Variants in PPP2R2C observed in about 807,000 individuals in gnomAD.
PPP2R2C encodes protein phosphatase 2 regulatory subunit Bgamma.
PPP2R2C carries 10 observed loss-of-function variants against 45.3 expected under a neutral mutation model. That is an observed-to-expected ratio of 0.22 (90% CI 0.14 to 0.37). The LOEUF is 0.37. Ranked by LOEUF, PPP2R2C falls within the 10% of genes least tolerant of loss-of-function variation. The pLI is 1.00. For missense variants in PPP2R2C, 308 were observed against 619.7 expected, an observed-to-expected ratio of 0.50 and a Z score of 5.34; for synonymous variants, 257 against 245.4, an observed-to-expected ratio of 1.05 and a Z score of -0.44.
Position 6,471,052 on chromosome 4 carries a change from C to G in PPP2R2C, c.70+1108G>C, listed in dbSNP as rs1008751924. On this transcript the variant is annotated intron_variant, in intron 1 of 8. Coordinates refer to ENST00000382599, the MANE Select transcript of PPP2R2C (RefSeq NM_020416.4). This position sits in a 1 kb window ranked among gnomAD's most constrained non-coding sequence, Gnocchi z 5.6. ...CAGAGCCAGGCTTCGAGGAGGCGGA[C>G]CCAGCCGCAGGAGCCCGGTCTCCGC... Among the ~76,000 whole-genome samples, 15 of 152,242 alleles carry G rather than the reference C, an allele frequency of 9.9e-5. No homozygotes were observed. The highest frequency in any genetic ancestry group is 1.9e-4 in the Non-Finnish European group (13 of 67,988).
chr4:6,356,514 G>A (rs1004892604), intron 5 of PPP2R2C, among the ~76,000 whole-genome samples: 1 of 152,228 alleles, frequency 6.6e-6, no homozygotes, highest in Non-Finnish European at 1.5e-5. Flanking sequence ...GGTGGCTCCA[G>A]CTCTGCCGCT....
chr4:6,527,183 G>A lies in PPP2R2C; in HGVS notation c.49+8088C>T, dbSNP rs544272538. ...TCCATTCCTGCCTAGAATTCCAAAC[G>A]AACTGGCTTAATATTAGCTATTTGC... On this transcript the variant is annotated intron_variant, in intron 2 of 9. Coordinates refer to the PPP2R2C transcript ENST00000506140. Among the ~76,000 whole-genome samples the A allele has an allele frequency of 4.6e-5, 7 of 152,208 alleles. No homozygotes were observed. The South Asian group carries it at 1.5e-3, about 32-fold the overall frequency.
intron 7 of PPP2R2C, 146 bp downstream of exon 7, chr4:6,333,416 G>T: frequency 1.1e-6 from 1 of 903,496 alleles, no homozygotes; most frequent in Non-Finnish European, 1.6e-6. Context: ...GTGTGGGGAT[G>T]AGTTGCTGGA....
intron 1 of PPP2R2C, among the ~76,000 whole-genome samples, chr4:6,428,897 T>C (rs1443361310): frequency 1.3e-5 from 2 of 152,372 alleles, no homozygotes; most frequent in Non-Finnish European, 1.5e-5. Context: ...GCCTGACTCC[T>C]GGTCCTGCAA....
rs1342908768 is a variant in PPP2R2C at position 6,330,798 on chromosome 4, C to T, written c.961-1445G>A. ...GGGGAAGCAGGATTGGGAGGAAGGG[C>T]CTGCTATTCACTGCACACAGGATGG... On this transcript the variant is annotated intron_variant, in intron 7 of 8. Coordinates refer to ENST00000382599, the MANE Select transcript of PPP2R2C (RefSeq NM_020416.4). This position sits in a 1 kb window ranked among gnomAD's most constrained non-coding sequence, Gnocchi z 7.0. 6.6e-6 allele frequency among the ~76,000 whole-genome samples: 1 copy of T among 152,158 alleles called. No individual in the cohort carries two copies. Among genetic ancestry groups the T allele is most frequent in the Non-Finnish European group, 1.5e-5 (1 of 68,034 alleles).
chr4:6,355,425 G>A (rs987905469), intron 5 of PPP2R2C, among the ~76,000 whole-genome samples: 2 of 151,952 alleles, frequency 1.3e-5, no homozygotes, highest in African/African-American at 4.8e-5. Flanking sequence ...GCTAGATGAC[G>A]AGTTAGTGGG....
chr4:6,431,892 G>A (rs752352029), intron 1 of PPP2R2C, among the ~76,000 whole-genome samples: 3 of 152,186 alleles, frequency 2.0e-5, no homozygotes, highest in Non-Finnish European at 4.4e-5. Flanking sequence ...CAGTTCTAGA[G>A]GCTGGGAAGT....
intron 1 of PPP2R2C, among the ~76,000 whole-genome samples, chr4:6,559,851 T>C (rs1428270662): frequency 6.6e-6 from 1 of 152,208 alleles, no homozygotes; most frequent in Non-Finnish European, 1.5e-5. Context: ...ACCTGTGTTG[T>C]TCATAAGCTG....
chr4:6,522,367 G>C (rs1724054658), intron 2 of PPP2R2C, among the ~76,000 whole-genome samples: 2 of 152,222 alleles, frequency 1.3e-5, no homozygotes, highest in African/African-American at 4.8e-5. Context: ...CCTCACTGTA[G>C]AGGTGGGAAA....
At chr4:6,383,585 C>T (rs7694129) in intron 1 of PPP2R2C, 487,153 of 570,536 alleles carry the variant, frequency 0.85, 208,838 homozygotes, top group East Asian at 1. Flanking sequence ...TGCCCCACTG[C>T]TGCCTTCCCG....
chr4:6,464,059 C>A (rs1030384711), intron 1 of PPP2R2C, among the ~76,000 whole-genome samples: 12 of 152,162 alleles, frequency 7.9e-5, no homozygotes, highest in African/African-American at 2.9e-4. Context: ...CTGTCCCTTA[C>A]AAACTATGTG....
chr4:6,495,294 G>A (rs1018956464), intron 2 of PPP2R2C, among the ~76,000 whole-genome samples: 1 of 152,222 alleles, frequency 6.6e-6, no homozygotes, highest in African/African-American at 2.4e-5. Context: ...TATGGCTATC[G>A]AGGAGGCTGG....
Position 6,330,594 on chromosome 4 carries a change from C to G in PPP2R2C, c.961-1241G>C, listed in dbSNP as rs559656173. Among the ~76,000 whole-genome samples the G allele has an allele frequency of 7.9e-5, 12 of 152,278 alleles. No individual in the cohort carries two copies. The highest frequency in any genetic ancestry group is 2.9e-4 in the African/African-American group (12 of 41,544). ...AGATGCGTGTGGGCTCGCATAGTCA[C>G]TCTCCCCTGGGTCACCAGCCTGCCC... is the stretch of plus-strand genomic sequence containing the variant. On this transcript the variant is annotated intron_variant, in intron 7 of 8. Coordinates refer to ENST00000382599, the MANE Select transcript of PPP2R2C (RefSeq NM_020416.4). This position sits in a 1 kb window ranked among gnomAD's most constrained non-coding sequence, Gnocchi z 7.0.
At chr4:6,491,021 C>A (rs1271925840) in intron 2 of PPP2R2C, among the ~76,000 whole-genome samples, 1 of 152,044 alleles carries the variant, frequency 6.6e-6, no homozygotes, top group African/African-American at 2.4e-5. Context: ...CGGGGCACCA[C>A]CCCACGTAAA....
At chr4:6,464,483 A>G (rs985203157) in intron 1 of PPP2R2C, among the ~76,000 whole-genome samples, 2 of 152,154 alleles carry the variant, frequency 1.3e-5, no homozygotes, top group Non-Finnish European at 2.9e-5. Flanking sequence ...TTGCTCTTCA[A>G]CTTTGTATGT....
intron 2 of PPP2R2C, among the ~76,000 whole-genome samples, chr4:6,483,137 A>ATT (rs1560578899): frequency 1.0e-4 from 8 of 76,530 alleles, no homozygotes; most frequent in Non-Finnish European, 3.2e-5. Flanking sequence ...ATAGATAGAT[A>ATT]GATAGATTGA....
upstream of PPP2R2C, among the ~76,000 whole-genome samples, chr4:6,477,509 A>G (rs1401906862): frequency 6.6e-6 from 1 of 151,902 alleles, no homozygotes; most frequent in Non-Finnish European, 1.5e-5. Context: ...GGTGGATCAC[A>G]AGGTCAGGAG....
At chr4:6,550,673 G>A (rs1725156304) in intron 1 of PPP2R2C, among the ~76,000 whole-genome samples, 1 of 152,176 alleles carries the variant, frequency 6.6e-6, no homozygotes, top group Non-Finnish European at 1.5e-5. Flanking sequence ...TTGCTTGTTT[G>A]TTCCCCAGGC....
chr4:6,439,251 C>T (rs990926567), intron 1 of PPP2R2C, among the ~76,000 whole-genome samples: 4 of 152,186 alleles, frequency 2.6e-5, no homozygotes, highest in Non-Finnish European at 4.4e-5. Context: ...TTACTCTAGT[C>T]TGAAGCCCAA....
Sources: allele counts gnomAD v4.1 joint callset (sites outside exome capture counted in the v4.1 genomes callset), GRCh38; gene constraint gnomAD v4.1.1; non-coding constraint Gnocchi (gnomAD v3.1); transcripts MANE v1.5; gene names NCBI Gene and HGNC (gene_info 2026-07-23, HGNC 2026-07-21).